Variants in PXK observed in about 807,000 individuals in gnomAD.
PXK encodes the protein PX domain-containing protein kinase-like protein.
PXK carries 35 observed loss-of-function variants against 84.7 expected under a neutral mutation model. The observed-to-expected ratio is 0.41, with a 90% CI of 0.32 to 0.55. The LOEUF (loss-of-function observed/expected upper bound fraction) is 0.55. Ranked by LOEUF, PXK falls within the 20% of genes least tolerant of loss-of-function variation. The probability of loss-of-function intolerance (pLI) is 0.21; values close to 1 mark genes in which losing one functional copy is unlikely to be tolerated. For missense variants in PXK, 634 were observed against 699.7 expected (o/e 0.91, Z 1.06); for synonymous variants, 253 against 260.8 (o/e 0.97, Z 0.29).
chr3:58,374,439 G>A (rs143584962), intron 3 of PXK, among the ~76,000 whole-genome samples: 2 of 152,266 alleles, frequency 1.3e-5, no homozygotes, highest in African/African-American at 4.8e-5. Context: ...CTCCCAAAAT[G>A]CTGGGACTAC....
chr3:58,420,721 G>A (rs2061699201), intron 17 of PXK: 1 of 1,447,962 alleles, frequency 6.9e-7, no homozygotes, highest in African/African-American at 1.4e-5. Context: ...ATGAAATACA[G>A]CATCTTTAAA....
In PXK at chr3:58,401,788, G is replaced by C. The variant is rs571392513; in HGVS notation, c.1182-2074G>C. Among the ~76,000 whole-genome samples the C allele has an allele frequency of 1.3e-5, 2 of 152,002 alleles. No homozygotes were observed. The highest frequency in any genetic ancestry group is 4.8e-5 in the African/African-American group (2 of 41,362). ...AAAAATGCAAAAAAATTAGCCGAGC[G>C]TGGTGGCGGGCGTCTGTAGTCCCAG... On this transcript the variant is annotated intron_variant, in intron 12 of 17. Coordinates refer to ENST00000356151, the MANE Select transcript of PXK (RefSeq NM_017771.5). This position sits in a 1 kb window ranked among gnomAD's most constrained non-coding sequence, Gnocchi z 4.4.
At chr3:58,346,471 G>A (rs1338309745) in intron 1 of PXK, among the ~76,000 whole-genome samples, 1 of 152,002 alleles carries the variant, frequency 6.6e-6, no homozygotes, top group Admixed American at 6.6e-5. Context: ...GAAATTATTA[G>A]AGAAGTAGTA....
At chr3:58,373,662 T>G (rs569887453) in intron 3 of PXK, among the ~76,000 whole-genome samples, 37 of 152,244 alleles carry the variant, frequency 2.4e-4, no homozygotes, top group Middle Eastern at 3.4e-3. Flanking sequence ...ATGAACAGAT[T>G]GAGGTTGAAA....
At chr3:58,424,419 G>A (rs1253259949) in intron 17 of PXK, among the ~76,000 whole-genome samples, 6 of 152,204 alleles carry the variant, frequency 3.9e-5, no homozygotes, top group Non-Finnish European at 7.3e-5. Context: ...CTGATAGATG[G>A]AACTCTTCTT....
chr3:58,370,291 C>T lies in PXK; in HGVS notation c.201+813C>T, dbSNP rs991893363. On this transcript the variant is annotated intron_variant, in intron 3 of 17. Coordinates refer to ENST00000356151, the MANE Select transcript of PXK (RefSeq NM_017771.5). This position sits in a 1 kb window ranked among gnomAD's most constrained non-coding sequence, Gnocchi z 4.2. Reference sequence around the variant, plus strand: ...ACTTGAGGGCCATAATGGGAAGAAGCATGAGCTGGAAGGTCTTCATCTAGA... The same window carrying T: ...ACTTGAGGGCCATAATGGGAAGAAGTATGAGCTGGAAGGTCTTCATCTAGA... 6.6e-6 allele frequency among the ~76,000 whole-genome samples: 1 copy of T among 152,276 alleles called. No individual in the cohort carries two copies. The highest frequency in any genetic ancestry group is 2.1e-4 in the South Asian group (1 of 4,826).
intron 1 of PXK, among the ~76,000 whole-genome samples, chr3:58,338,393 C>T (rs1412391099): frequency 2.6e-5 from 4 of 151,764 alleles, no homozygotes; most frequent in East Asian, 3.9e-4. Flanking sequence ...GAGGCTGAGG[C>T]GGGTGGATCA....
chr3:58,405,120 C>T (rs1328203161), intron 13 of PXK, among the ~76,000 whole-genome samples: 1 of 152,184 alleles, frequency 6.6e-6, no homozygotes, highest in Admixed American at 6.5e-5. Flanking sequence ...TAAAATCCAA[C>T]ATTAGTTCTT....
intron 1 of PXK, among the ~76,000 whole-genome samples, chr3:58,336,072 T>TATATATATATATATA (rs58493068): frequency 2.1e-3 from 65 of 30,900 alleles, no homozygotes; most frequent in African/African-American, 3.5e-3. Flanking sequence ...TATATATATA[T>TATATATATATATATA]TTTTTTTTTT....
chr3:58,421,774 T>C lies in PXK; in HGVS notation c.1529-2978T>C. The C allele has an allele frequency of 3.0e-6, 3 of 985,120 alleles. No individual in the cohort carries two copies. The highest frequency in any genetic ancestry group is 9.4e-5 in the South Asian group (2 of 21,266). The allele number at this position is 985,120 out of a possible 1,614,324, so 61.0% of individuals were successfully genotyped here. ...GGAGAAGATTTTGGGGTGGGTAGAGTAAGTAGTTGGCTCTCAGGGATTTTG... is the reference window on the plus strand; with the variant it reads ...GGAGAAGATTTTGGGGTGGGTAGAGCAAGTAGTTGGCTCTCAGGGATTTTG... On this transcript the variant is annotated intron_variant, in intron 17 of 17. Coordinates refer to ENST00000356151, the MANE Select transcript of PXK (RefSeq NM_017771.5). This position sits in a 1 kb window ranked among gnomAD's most constrained non-coding sequence, Gnocchi z 5.5.
At position 58,370,769 on chromosome 3, in the gene PXK, C is replaced by T. The variant is rs201429084; in HGVS notation, c.201+1291C>T. 1.1e-3 allele frequency among the ~76,000 whole-genome samples: 162 copies of T among 152,232 alleles called. No homozygotes were observed. The highest frequency in any genetic ancestry group is 3.7e-3 in the African/African-American group (155 of 41,554). On this transcript the variant is annotated intron_variant, in intron 3 of 17. Transcript: ENST00000356151. This position sits in a 1 kb window ranked among gnomAD's most constrained non-coding sequence, Gnocchi z 4.2. ...ATCCCAGCACTTTGGGAGGCTGAGGCGGGTGGATCACCTGAGGTCAGGAGT... is the reference window on the plus strand; with the variant it reads ...ATCCCAGCACTTTGGGAGGCTGAGGTGGGTGGATCACCTGAGGTCAGGAGT...
At position 58,362,124 on chromosome 3, in the gene PXK, T is replaced by G. The variant is rs148805076; in HGVS notation, c.103-3750T>G. ...TCATGTATGCCATCTGTATATCCTC[T>G]TCAGTGAAATGTATTCTTATTATTT... On this transcript the variant is annotated intron_variant, in intron 1 of 17. Coordinates refer to ENST00000356151, the MANE Select transcript of PXK (RefSeq NM_017771.5). 6.5e-3 allele frequency among the ~76,000 whole-genome samples: 996 copies of G among 152,356 alleles called. 7 individuals carry two copies. Among genetic ancestry groups the G allele is most frequent in the Non-Finnish European group, 8.5e-3 (578 of 68,032 alleles).
At position 58,342,647 on chromosome 3, in the gene PXK, A is replaced by AAAAAAAG. The variant is rs1553743386; in HGVS notation, c.102+9561_102+9562insAAGAAAA. Among the ~76,000 whole-genome samples, 497 of 138,726 alleles carry AAAAAAAG rather than the reference A, an allele frequency of 3.6e-3. 12 individuals carry two copies. Among genetic ancestry groups the AAAAAAAG allele is most frequent in the African/African-American group, 0.013 (467 of 34,906 alleles). 91.0% of individuals were successfully genotyped at this position (138,726 alleles called of 152,430 possible). A position where few individuals can be genotyped will look rare whatever the true frequency, so the allele number is the denominator to read the frequency against. Reference sequence around the variant, plus strand: ...GAGACTCTGTCTCAAAAAAAAAAAAAAAAAGAAAAGAAAAAAAGAAAGAAA... The same window carrying AAAAAAAG: ...GAGACTCTGTCTCAAAAAAAAAAAAAAAAAAAGAAAAGAAAAGAAAAAAAGAAAGAAA... On this transcript the variant is annotated intron_variant, in intron 1 of 17. Transcript: ENST00000356151.
At chr3:58,350,738 G>A (rs1396466973) in intron 1 of PXK, among the ~76,000 whole-genome samples, 2 of 152,190 alleles carry the variant, frequency 1.3e-5, no homozygotes, top group East Asian at 1.9e-4. Flanking sequence ...AAGGCAGAGA[G>A]TAAGTGCCCC....
intron 1 of PXK, among the ~76,000 whole-genome samples, chr3:58,357,037 T>A (rs1294267971): frequency 2.0e-5 from 3 of 150,944 alleles, no homozygotes; most frequent in Non-Finnish European, 4.4e-5. Flanking sequence ...TCCCAGCACT[T>A]TGGGAGGCTG....
rs1280025338 is a variant in PXK at position 58,416,767 on chromosome 3, C to T, written c.1528+3804C>T. Among the ~76,000 whole-genome samples, 1 of 152,038 alleles carries T rather than the reference C, an allele frequency of 6.6e-6. No homozygotes were observed. Among genetic ancestry groups the T allele is most frequent in the Non-Finnish European group, 1.5e-5 (1 of 68,014 alleles). On this transcript the variant is annotated intron_variant, in intron 17 of 17. Coordinates refer to ENST00000356151, the MANE Select transcript of PXK (RefSeq NM_017771.5). The surrounding 1 kb of genome is among the most constrained non-coding windows in gnomAD (Gnocchi z 4.8). ...TCCCAAGTAGCTGGGATTATAGGCACTCACCACCACGCTTGGCTAATATTT... is the reference window on the plus strand; with the variant it reads ...TCCCAAGTAGCTGGGATTATAGGCATTCACCACCACGCTTGGCTAATATTT...
intron 13 of PXK, among the ~76,000 whole-genome samples, chr3:58,406,495 T>G (rs2059429044): frequency 6.6e-6 from 1 of 151,774 alleles, no homozygotes; most frequent in Non-Finnish European, 1.5e-5. Flanking sequence ...CAGGCTAGTC[T>G]TGAACTCTTG....
At position 58,401,867 on chromosome 3, in the gene PXK, C is replaced by T. The variant is rs909557922; in HGVS notation, c.1182-1995C>T. Among the ~76,000 whole-genome samples, 5 of 151,888 alleles carry T rather than the reference C, an allele frequency of 3.3e-5. No homozygotes were observed. Among genetic ancestry groups the T allele is most frequent in the African/African-American group, 4.8e-5 (2 of 41,334 alleles). On this transcript the variant is annotated intron_variant, in intron 12 of 17. Transcript: ENST00000356151. This position sits in a 1 kb window ranked among gnomAD's most constrained non-coding sequence, Gnocchi z 4.4. ...GCGCGCCACTGCACTCCAGCCTGGG[C>T]GACAGAGTGAGACTCCATCTCAAAA...
rs748619084 is a variant in PXK at position 58,423,523 on chromosome 3, A to G, written c.1529-1229A>G. On this transcript the variant is annotated intron_variant, in intron 17 of 17. Coordinates refer to ENST00000356151, the MANE Select transcript of PXK (RefSeq NM_017771.5). ...AGTGATTTTCTATTGTAAGACTTTA[A>G]CCCATACCTGTCACACTTGGTGAAA... The G allele has an allele frequency of 3.9e-6, 6 of 1,535,858 alleles. No individual in the cohort carries two copies. In the South Asian group the frequency reaches 7.1e-5, roughly 18 times the overall value.
Sources: gnomAD v4.1 joint callset for allele counts (sites outside exome capture counted in the v4.1 genomes callset) on GRCh38, gnomAD v4.1.1 for gene constraint, Gnocchi (gnomAD v3.1) non-coding constraint, MANE v1.5 for transcripts, NCBI Gene and HGNC (gene_info 2026-07-23, HGNC 2026-07-21) for gene names.